Variants in AGAP1 observed in about 807,000 individuals in gnomAD.
AGAP1 encodes the protein arf-GAP with GTPase, ANK repeat and PH domain-containing protein 1.
A neutral mutation model predicts 105.3 loss-of-function variants in AGAP1; 29 were observed. That is an observed-to-expected ratio of 0.28 (90% CI 0.21 to 0.38). The LOEUF (loss-of-function observed/expected upper bound fraction) is 0.38. Among genes scored for constraint, AGAP1 ranks in the 10% least tolerant of loss-of-function variants. The pLI, the probability that AGAP1 is intolerant of heterozygous loss-of-function variation, is 1.00. For synonymous variants in AGAP1, 509 were observed against 485.9 expected, an observed-to-expected ratio of 1.05 and a Z score of -0.63; for missense variants, 998 against 1,165.1, an observed-to-expected ratio of 0.86 and a Z score of 2.09.
rs1469801109 is a variant in AGAP1, at chr2:236,087,847, C to G, written c.2115-32345C>G. ...CTATGGGGAGGAATAGACCAGAGGT[C>G]TTTGCCAGGAGGAGACGTTACAGCA... is the stretch of plus-strand genomic sequence containing the variant. On this transcript the variant is annotated intron_variant, in intron 16 of 17. Transcript: ENST00000304032. The surrounding 1 kb of genome is among the most constrained non-coding windows in gnomAD (Gnocchi z 5.7). Among the ~76,000 whole-genome samples, 2 of 152,190 alleles carry G rather than the reference C, an allele frequency of 1.3e-5. No homozygotes were observed. The highest frequency in any genetic ancestry group is 2.9e-5 in the Non-Finnish European group (2 of 68,022).
intron 11 of AGAP1, among the ~76,000 whole-genome samples, chr2:235,923,381 A>T (rs775571803): frequency 1.3e-5 from 2 of 152,158 alleles, no homozygotes; most frequent in Non-Finnish European, 2.9e-5. Context: ...TTTTTGGATA[A>T]GTGTTACTGG....
chr2:235,896,111 C>A (rs1056284342), intron 10 of AGAP1, among the ~76,000 whole-genome samples: 4 of 152,188 alleles, frequency 2.6e-5, no homozygotes, highest in South Asian at 2.1e-4. Context: ...TCCTATCCCC[C>A]CTCCACTCAG....
chr2:235,917,755 AT>A (rs1296340594), intron 11 of AGAP1, among the ~76,000 whole-genome samples: 1 of 152,058 alleles, frequency 6.6e-6, no homozygotes, highest in East Asian at 1.9e-4. Flanking sequence ...GGGCTCAGTC[AT>A]TTTTCCTTTG....
In AGAP1 at chr2:235,559,441, G is replaced by A. The variant is rs1026466082; in HGVS notation, c.163+64592G>A. Among the ~76,000 whole-genome samples the A allele has an allele frequency of 2.6e-5, 4 of 152,170 alleles. No homozygotes were observed. Among genetic ancestry groups the A allele is most frequent in the African/African-American group, 4.8e-5 (2 of 41,420 alleles). Reference sequence around the variant, plus strand: ...TGCCGTGTGCCAGTGATTGATTGACGTTAGTGTCGGTATCTCTCATTGCGA... The same window carrying A: ...TGCCGTGTGCCAGTGATTGATTGACATTAGTGTCGGTATCTCTCATTGCGA... On this transcript the variant is annotated intron_variant, in intron 1 of 17. Coordinates refer to ENST00000304032, the MANE Select transcript of AGAP1 (RefSeq NM_001037131.3). This position sits in a 1 kb window ranked among gnomAD's most constrained non-coding sequence, Gnocchi z 5.7.
intron 1 of AGAP1, among the ~76,000 whole-genome samples, chr2:235,654,787 C>T (rs1947720569): frequency 6.6e-6 from 1 of 152,176 alleles, no homozygotes; most frequent in Non-Finnish European, 1.5e-5. Flanking sequence ...AGGTCTCCAT[C>T]ACTAGTCTCT....
rs141314022 is a variant in AGAP1, at chr2:235,724,879, A to G, written c.310+7235A>G. 7.1e-4 allele frequency among the ~76,000 whole-genome samples: 108 copies of G among 152,304 alleles called. 1 individual carries two copies. Among genetic ancestry groups the G allele is most frequent in the Admixed American group, 5.4e-3 (83 of 15,298 alleles). On this transcript the variant is annotated intron_variant, in intron 3 of 17. Transcript: ENST00000304032. This position sits in a 1 kb window ranked among gnomAD's most constrained non-coding sequence, Gnocchi z 4.9. ...ACACCAGACCCACCTCATTTCTTAC[A>G]TCTCTCCAAGAGAAGCCTTTCGCTT...
intron 11 of AGAP1, among the ~76,000 whole-genome samples, chr2:235,924,205 G>GT (rs2125118788): frequency 6.6e-6 from 1 of 152,262 alleles, no homozygotes; most frequent in African/African-American, 2.4e-5. Context: ...ACTTAAGGCA[G>GT]TATCTCCCCT....
At position 235,979,422 on chromosome 2, in the gene AGAP1, C is replaced by T. The variant is rs2054995796; in HGVS notation, c.1645+10799C>T. Among the ~76,000 whole-genome samples the T allele has an allele frequency of 6.6e-6, 1 of 152,078 alleles. No individual in the cohort carries two copies. Among genetic ancestry groups the T allele is most frequent in the East Asian group, 1.9e-4 (1 of 5,180 alleles). On this transcript the variant is annotated intron_variant, in intron 13 of 17. Transcript: ENST00000304032. The surrounding 1 kb of genome is among the most constrained non-coding windows in gnomAD (Gnocchi z 4.5). ...TGGCTGCGGGGTCCGATCATAGTTA[C>T]TGACTCGCGCTCATTTTATCAAGAT...
chr2:235,938,608 G>A (rs1308856361), intron 12 of AGAP1, among the ~76,000 whole-genome samples: 1 of 152,190 alleles, frequency 6.6e-6, no homozygotes, highest in Non-Finnish European at 1.5e-5. Context: ...CGGACCTGGT[G>A]GGGAAGGCTT....
rs553518974 is a variant in AGAP1 at position 235,528,573 on chromosome 2, T to C, written c.163+33724T>C. Among the ~76,000 whole-genome samples the C allele has an allele frequency of 5.3e-5, 8 of 152,276 alleles. No individual in the cohort carries two copies. In the East Asian group the frequency reaches 1.5e-3, roughly 29 times the overall value. ...TCATTTTCCTTAAGTCAGTGAAAGA[T>C]TGTCTTCTCAATAAATGATGTTTGC... On this transcript the variant is annotated intron_variant, in intron 1 of 17. Coordinates refer to ENST00000304032, the MANE Select transcript of AGAP1 (RefSeq NM_001037131.3).
chr2:235,738,049 CAG>C (rs2149646012), intron 3 of AGAP1, among the ~76,000 whole-genome samples: 1 of 152,162 alleles, frequency 6.6e-6, no homozygotes, highest in East Asian at 2.0e-4. Flanking sequence ...GCTCAGGACA[CAG>C]GGTCGGGACG....
rs573336285 is a variant in AGAP1 at position 235,551,087 on chromosome 2, C to T, written c.163+56238C>T. On this transcript the variant is annotated intron_variant, in intron 1 of 17. Transcript: ENST00000304032. This position sits in a 1 kb window ranked among gnomAD's most constrained non-coding sequence, Gnocchi z 4.8. ...CCGCGCTCGGCCATAGATAGTGTTT[C>T]TTAAGAGTGAGTTTGCTTCTGAGGA... is the stretch of plus-strand genomic sequence containing the variant. Among the ~76,000 whole-genome samples, 23 of 152,242 alleles carry T rather than the reference C, an allele frequency of 1.5e-4. No individual in the cohort carries two copies. The highest frequency in any genetic ancestry group is 2.9e-4 in the Non-Finnish European group (20 of 68,022).
chr2:235,783,660 T>G (rs933753924), intron 6 of AGAP1, among the ~76,000 whole-genome samples: 1 of 152,008 alleles, frequency 6.6e-6, no homozygotes, highest in African/African-American at 2.4e-5. Context: ...TATGAAGTTC[T>G]ACAACGGGCA....
At chr2:235,807,574 G>A (rs1005345628) in intron 9 of AGAP1, among the ~76,000 whole-genome samples, 1 of 152,250 alleles carries the variant, frequency 6.6e-6, no homozygotes, top group African/African-American at 2.4e-5. Context: ...CATATGGAGT[G>A]CGTTTCCAGG....
chr2:235,583,433 G>A (rs1301802390), intron 1 of AGAP1, among the ~76,000 whole-genome samples: 2 of 152,208 alleles, frequency 1.3e-5, no homozygotes, highest in African/African-American at 4.8e-5. Context: ...AAACTCATTT[G>A]AACCTATGCG....
intron 1 of AGAP1, among the ~76,000 whole-genome samples, chr2:235,629,310 GTGTGTGTGTA>G (rs1268893427): frequency 7.4e-5 from 10 of 134,282 alleles, no homozygotes; most frequent in Non-Finnish European, 1.3e-4. Context: ...GTGTGTGTGT[GTGTGTGTGTA>G]TGTGTATACA....
intron 9 of AGAP1, among the ~76,000 whole-genome samples, chr2:235,835,921 C>A (rs1015960511): frequency 6.6e-6 from 1 of 152,128 alleles, no homozygotes; most frequent in African/African-American, 2.4e-5. Flanking sequence ...TTGGGGATTC[C>A]GCCATATTTT....
At chr2:235,653,730 C>T (rs1365055465) in intron 1 of AGAP1, among the ~76,000 whole-genome samples, 1 of 152,096 alleles carries the variant, frequency 6.6e-6, no homozygotes, top group Non-Finnish European at 1.5e-5. Flanking sequence ...AGCCTACATG[C>T]AAGTTTAAAA....
rs2057508971 is a variant in AGAP1 at position 236,040,336 on chromosome 2, T to C, written c.1801-415T>C. On this transcript the variant is annotated intron_variant, in intron 14 of 17. Coordinates refer to ENST00000304032, the MANE Select transcript of AGAP1 (RefSeq NM_001037131.3). This position sits in a 1 kb window ranked among gnomAD's most constrained non-coding sequence, Gnocchi z 5.6. ...AAGGAACCATGAGATATGTCTTACA[T>C]TGCTGATGAAGCCCTAACCCTGGGC... Among the ~76,000 whole-genome samples, 1 of 152,158 alleles carries C rather than the reference T, an allele frequency of 6.6e-6. No individual in the cohort carries two copies. Among genetic ancestry groups the C allele is most frequent in the Non-Finnish European group, 1.5e-5 (1 of 68,024 alleles).
Sources: allele counts gnomAD v4.1 joint callset (sites outside exome capture counted in the v4.1 genomes callset), GRCh38; gene constraint gnomAD v4.1.1; non-coding constraint Gnocchi (gnomAD v3.1); transcripts MANE v1.5; gene names NCBI Gene and HGNC (gene_info 2026-07-23, HGNC 2026-07-21).